RAI1: variants seen among roughly 807,000 people sequenced by gnomAD.
The protein encoded by RAI1 is retinoic acid-induced protein 1.
Under a neutral mutation model 123.8 loss-of-function variants are expected in RAI1, and 9 were observed. The observed-to-expected ratio is 0.07, with a 90% CI of 0.04 to 0.13. The LOEUF (loss-of-function observed/expected upper bound fraction) is 0.13. Among genes scored for constraint, RAI1 ranks in the 10% least tolerant of loss-of-function variants. The pLI, the probability that RAI1 is intolerant of heterozygous loss-of-function variation, is 1.00. For synonymous variants in RAI1, 1,231 were observed against 1,127.3 expected, an observed-to-expected ratio of 1.09 and a Z score of -1.84; for missense variants, 2,256 against 2,545.8, an observed-to-expected ratio of 0.89 and a Z score of 2.45.
At chr17:17,804,311 A>C (rs1480814101) in intron 4 of RAI1, among the ~76,000 whole-genome samples, 1 of 152,162 alleles carries the variant, frequency 6.6e-6, no homozygotes, top group Admixed American at 6.5e-5. Context: ...AGACCCATGG[A>C]GCAATTGTGG....
At position 17,796,729 on chromosome 17, in the gene RAI1, G is replaced by C; in HGVS notation, c.3781G>C (p.Glu1261Gln). Reference sequence around the variant, plus strand: ...TGGCAATGGGGGAGATGGGAAGGAGGAGAGGCCTGAGGGTTCCCCCACCCT... The same window carrying C: ...TGGCAATGGGGGAGATGGGAAGGAGCAGAGGCCTGAGGGTTCCCCCACCCT... ...ASGNGGDGKE[E>Q]RPEGSPTLFK... The change falls in exon 3 of 6, where the codon GAG becomes CAG. Residue 1261 changes from glutamate to glutamine, a missense_variant. Physicochemically the swap from Glu to Gln is conservative, Grantham distance 29 (BLOSUM62 2). Coordinates refer to ENST00000353383, the MANE Select transcript of RAI1 (RefSeq NM_030665.4). This position sits in a 1 kb window ranked among gnomAD's most constrained non-coding sequence, Gnocchi z 5.8. 6.2e-7 allele frequency: 1 copy of C among 1,612,302 alleles called. No homozygotes were observed. The highest frequency in any genetic ancestry group is 1.7e-5 in the Admixed American group (1 of 60,030).
chr17:17,709,537 T>C (rs1352735395), intron 1 of RAI1, among the ~76,000 whole-genome samples: 1 of 152,150 alleles, frequency 6.6e-6, no homozygotes, highest in Admixed American at 6.5e-5. Context: ...CCAAAATACA[T>C]GTCACAGTGG....
At chr17:17,789,437 G>T (rs2031937496) in intron 2 of RAI1, among the ~76,000 whole-genome samples, 1 of 152,236 alleles carries the variant, frequency 6.6e-6, no homozygotes, top group Admixed American at 6.5e-5. Flanking sequence ...CCTAAAAGAA[G>T]GGCTGTGCCC....
At chr17:17,689,862 C>T (rs998139291) in intron 1 of RAI1, among the ~76,000 whole-genome samples, 4 of 152,120 alleles carry the variant, frequency 2.6e-5, no homozygotes, top group African/African-American at 9.7e-5. Flanking sequence ...ATCTCATGGA[C>T]CAGCTTGGTG....
chr17:17,741,650 C>T (rs2142969974), intron 2 of RAI1, among the ~76,000 whole-genome samples: 1 of 152,362 alleles, frequency 6.6e-6, no homozygotes, highest in South Asian at 2.1e-4. Flanking sequence ...TTGTTCCTGC[C>T]TTTCCCCTCC....
In RAI1 at chr17:17,771,679, C is replaced by T. The variant is rs545804095; in HGVS notation, c.-16-21254C>T. 1.5e-3 allele frequency among the ~76,000 whole-genome samples: 232 copies of T among 152,300 alleles called. 1 individual carries two copies. The highest frequency in any genetic ancestry group is 5.4e-3 in the African/African-American group (224 of 41,570). On this transcript the variant is annotated intron_variant, in intron 2 of 5. Transcript: ENST00000353383. Reference sequence around the variant, plus strand: ...TGTTTCCCAGCAAGGGGCAGGTGCCCGAGGAGCTGCTGGGGTTGATCCACC... The same window carrying T: ...TGTTTCCCAGCAAGGGGCAGGTGCCTGAGGAGCTGCTGGGGTTGATCCACC...
chr17:17,721,089 C>T (rs1915867447), intron 1 of RAI1, among the ~76,000 whole-genome samples: 1 of 152,018 alleles, frequency 6.6e-6, no homozygotes, highest in Non-Finnish European at 1.5e-5. Flanking sequence ...CACTGAGCGA[C>T]CTGGAATCTG....
At chr17:17,762,677 C>A (rs1372793889) in intron 2 of RAI1, among the ~76,000 whole-genome samples, 1 of 152,150 alleles carries the variant, frequency 6.6e-6, no homozygotes. Flanking sequence ...TGATCCCAGT[C>A]ATTTCTGCTC....
chr17:17,790,999 G>A (rs1214424048), intron 2 of RAI1, among the ~76,000 whole-genome samples: 1 of 152,250 alleles, frequency 6.6e-6, no homozygotes, highest in Non-Finnish European at 1.5e-5. Flanking sequence ...GCTGCCAGGG[G>A]TAGGATTGAA....
intron 2 of RAI1, among the ~76,000 whole-genome samples, chr17:17,787,217 C>T (rs1481540789): frequency 6.6e-6 from 1 of 152,112 alleles, no homozygotes; most frequent in Non-Finnish European, 1.5e-5. Context: ...TGGGCCAGCC[C>T]CTTGGTCTTG....
chr17:17,798,237 G>T lies in RAI1; in HGVS notation c.5289G>T (p.Pro1763=), dbSNP rs1000278919. The T allele has an allele frequency of 6.2e-7, 1 of 1,609,284 alleles. No homozygotes were observed. The highest frequency in any genetic ancestry group is 8.5e-7 in the Non-Finnish European group (1 of 1,178,156). ...CCAGGCCTGACGGCCCAGCTGACCC[G>T]GCCAAGCAGGGCCCACTGCGCACCA... The part of the protein sequence containing the change: ...KPPRPDGPAD[P]AKQGPLRTSA... The change falls in exon 3 of 6, where the codon CCG becomes CCT. Residue 1763 remains proline (P), a synonymous_variant. Coordinates refer to ENST00000353383, the MANE Select transcript of RAI1 (RefSeq NM_030665.4).
chr17:17,698,534 G>C (rs1915110097), intron 1 of RAI1, among the ~76,000 whole-genome samples: 1 of 152,308 alleles, frequency 6.6e-6, no homozygotes, highest in South Asian at 2.1e-4. Flanking sequence ...TTCCTAATGA[G>C]GCTGCTGAGG....
chr17:17,785,256 G>T (rs2031786611), intron 2 of RAI1, among the ~76,000 whole-genome samples: 1 of 152,196 alleles, frequency 6.6e-6, no homozygotes, highest in African/African-American at 2.4e-5. Flanking sequence ...CATGCATCCT[G>T]GCCTCCAGGC....
At chr17:17,774,884 G>T (rs533540741) in intron 2 of RAI1, among the ~76,000 whole-genome samples, 1 of 152,286 alleles carries the variant, frequency 6.6e-6, no homozygotes, top group South Asian at 2.1e-4. Context: ...TGAGGCACAG[G>T]GAACTTGAGT....
chr17:17,750,433 C>G (rs1457102944), intron 2 of RAI1, among the ~76,000 whole-genome samples: 1 of 152,098 alleles, frequency 6.6e-6, no homozygotes, highest in Non-Finnish European at 1.5e-5. Context: ...CCATTAGAAA[C>G]ATGATGGGCC....
chr17:17,683,762 A>G (rs1914525905), intron 1 of RAI1: 1 of 152,260 alleles, frequency 6.6e-6, no homozygotes, highest in East Asian at 1.9e-4. Flanking sequence ...CTTTCCCACC[A>G]GCCTAGCATC....
intron 2 of RAI1, among the ~76,000 whole-genome samples, chr17:17,750,918 C>CT (rs2030139863): frequency 6.6e-6 from 1 of 152,162 alleles, no homozygotes; most frequent in Non-Finnish European, 1.5e-5. Context: ...GTACATCTCT[C>CT]TGAGGGTCTG....
chr17:17,740,422 CTCT>C (rs1278204581), intron 2 of RAI1, among the ~76,000 whole-genome samples: 1 of 152,244 alleles, frequency 6.6e-6, no homozygotes, highest in African/African-American at 2.4e-5. Flanking sequence ...GGTCACCCAT[CTCT>C]TCTTTGCTCC....
rs1462370809 is a variant in RAI1 at position 17,809,721 on chromosome 17, C to T, written c.5710-249C>T. Among the ~76,000 whole-genome samples the T allele has an allele frequency of 6.6e-6, 1 of 152,142 alleles. No individual in the cohort carries two copies. Among genetic ancestry groups the T allele is most frequent in the Non-Finnish European group, 1.5e-5 (1 of 67,992 alleles). ...CTGGGACGGCCTCCCTGCAGCTCCC[C>T]AAGATAGGTGACAGAGTGGGGCAGG... On this transcript the variant is annotated intron_variant, in intron 5 of 5. Coordinates refer to ENST00000353383, the MANE Select transcript of RAI1 (RefSeq NM_030665.4). The surrounding 1 kb of genome is among the most constrained non-coding windows in gnomAD (Gnocchi z 4.9).
Sources: gnomAD v4.1 joint callset for allele counts (sites outside exome capture counted in the v4.1 genomes callset) on GRCh38, gnomAD v4.1.1 for gene constraint, Gnocchi (gnomAD v3.1) non-coding constraint, MANE v1.5 for transcripts, NCBI Gene and HGNC (gene_info 2026-07-23, HGNC 2026-07-21) for gene names.